MBD5: variants seen among roughly 807,000 people sequenced by gnomAD.
MBD5 encodes methyl-CpG binding domain protein 5.
MBD5 carries 13 observed loss-of-function variants against 117.3 expected under a neutral mutation model. The ratio of observed to expected loss-of-function variants is 0.11; its 90% CI spans 0.07 to 0.18. MBD5 has a LOEUF of 0.18. Among genes scored for constraint, MBD5 ranks in the 10% least tolerant of loss-of-function variants. The pLI, the probability that MBD5 is intolerant of heterozygous loss-of-function variation, is 1.00. For synonymous variants in MBD5, 727 were observed against 766.4 expected (o/e 0.95, Z 0.85); for missense variants, 1,879 against 2,093.8 (o/e 0.90, Z 2.00).
intron 4 of MBD5, among the ~76,000 whole-genome samples, chr2:148,360,511 T>G (rs1703502370): frequency 1.3e-5 from 2 of 152,184 alleles, no homozygotes; most frequent in Admixed American, 6.5e-5. Context: ...TTCTATTTTA[T>G]GTAGGAATTA....
intron 4 of MBD5, among the ~76,000 whole-genome samples, chr2:148,429,561 A>T (rs919108040): frequency 6.6e-6 from 1 of 152,042 alleles, no homozygotes; most frequent in Non-Finnish European, 1.5e-5. Flanking sequence ...GTTTATTGTG[A>T]TACCGGTCAC....
chr2:148,500,222 T>C (rs1156806539), intron 11 of MBD5, among the ~76,000 whole-genome samples: 3 of 152,226 alleles, frequency 2.0e-5, no homozygotes, highest in East Asian at 1.9e-4. Context: ...GAAATATAAT[T>C]TTAAATAGTT....
chr2:148,222,383 A>G (rs1382170650), intron 2 of MBD5, among the ~76,000 whole-genome samples: 1 of 152,030 alleles, frequency 6.6e-6, no homozygotes, highest in Non-Finnish European at 1.5e-5. Flanking sequence ...GATTCTTCCA[A>G]TCCATGGACA....
At chr2:148,477,765 T>A (rs1681017806) in intron 8 of MBD5, among the ~76,000 whole-genome samples, 1 of 152,186 alleles carries the variant, frequency 6.6e-6, no homozygotes, top group African/African-American at 2.4e-5. Context: ...GCAATGCAAG[T>A]ACACTTACCA....
chr2:148,325,496 A>G (rs1344469313), intron 3 of MBD5, among the ~76,000 whole-genome samples: 1 of 152,236 alleles, frequency 6.6e-6, no homozygotes, highest in East Asian at 1.9e-4. Flanking sequence ...GCTATTGATT[A>G]TTGCCACAAT....
chr2:148,324,470 C>T (rs1702387338), intron 3 of MBD5, among the ~76,000 whole-genome samples: 1 of 152,236 alleles, frequency 6.6e-6, no homozygotes, highest in South Asian at 2.1e-4. Context: ...TACCCATGAG[C>T]ATGGAATGTT....
At chr2:148,104,644 ATGTGGCC>A (rs1696321510) in intron 1 of MBD5, among the ~76,000 whole-genome samples, 1 of 152,220 alleles carries the variant, frequency 6.6e-6, no homozygotes, top group Non-Finnish European at 1.5e-5. Flanking sequence ...TTCCCAAAGA[ATGTGGCC>A]TTAGTTAGTG....
chr2:148,146,579 T>C (rs1242933661), intron 1 of MBD5, among the ~76,000 whole-genome samples: 1 of 152,120 alleles, frequency 6.6e-6, no homozygotes, highest in Non-Finnish European at 1.5e-5. Context: ...TGTTTGGTTA[T>C]GTATGTCTTT....
At chr2:148,241,706 C>A (rs185636871) in intron 3 of MBD5, among the ~76,000 whole-genome samples, 10 of 152,108 alleles carry the variant, frequency 6.6e-5, no homozygotes, top group Non-Finnish European at 1.3e-4. Context: ...GTTCTACTTG[C>A]TCATATACCA....
At chr2:148,286,240 T>G (rs1701366312) in intron 3 of MBD5, among the ~76,000 whole-genome samples, 2 of 152,252 alleles carry the variant, frequency 1.3e-5, no homozygotes, top group Admixed American at 6.5e-5. Flanking sequence ...TATTACTTTC[T>G]GAATGATTCT....
chr2:148,043,784 T>C (rs1694442413), intron 1 of MBD5, among the ~76,000 whole-genome samples: 1 of 152,250 alleles, frequency 6.6e-6, no homozygotes. Flanking sequence ...ATACATATTT[T>C]AGATCCTGGG....
intron 4 of MBD5, among the ~76,000 whole-genome samples, chr2:148,415,582 C>T (rs1408099624): frequency 6.6e-6 from 1 of 152,142 alleles, no homozygotes; most frequent in African/African-American, 2.4e-5. Context: ...GCTTTCTCTC[C>T]CTCTCATTCA....
intron 4 of MBD5, among the ~76,000 whole-genome samples, chr2:148,426,883 A>C (rs1422378838): frequency 6.6e-6 from 1 of 152,140 alleles, no homozygotes; most frequent in Non-Finnish European, 1.5e-5. Context: ...AATGGGAGAA[A>C]ATTTTTGCAA....
chr2:148,294,231 T>G (rs112858301), intron 3 of MBD5, among the ~76,000 whole-genome samples: 122,404 of 131,072 alleles, frequency 0.93, 57,504 homozygotes, highest in East Asian at 0.99. Flanking sequence ...TTTTTTTTTT[T>G]TTTTTTTTTT....
intron 3 of MBD5, among the ~76,000 whole-genome samples, chr2:148,325,826 C>T (rs1429547091): frequency 6.6e-6 from 1 of 151,646 alleles, no homozygotes; most frequent in Non-Finnish European, 1.5e-5. Flanking sequence ...TTTTTGTGTC[C>T]CTATTTCCTT....
intron 11 of MBD5, among the ~76,000 whole-genome samples, chr2:148,494,928 A>T (rs1294318323): frequency 6.6e-6 from 1 of 152,174 alleles, no homozygotes; most frequent in Non-Finnish European, 1.5e-5. Flanking sequence ...GCGCCACTGC[A>T]CTCCAGCCTG....
chr2:148,293,792 C>T (rs530634821), intron 3 of MBD5, among the ~76,000 whole-genome samples: 36 of 152,152 alleles, frequency 2.4e-4, no homozygotes, highest in Non-Finnish European at 3.2e-4. Context: ...AGGAAGTGCC[C>T]TTCTACTTCT....
At chr2:148,200,794 G>C (rs989112232) in intron 2 of MBD5, among the ~76,000 whole-genome samples, 1 of 150,402 alleles carries the variant, frequency 6.6e-6, no homozygotes, top group Non-Finnish European at 1.5e-5. Flanking sequence ...ACATCATTAA[G>C]GAACACTTTA....
At chr2:148,117,028 A>G (rs1005710409) in intron 1 of MBD5, among the ~76,000 whole-genome samples, 1 of 152,206 alleles carries the variant, frequency 6.6e-6, no homozygotes, top group Admixed American at 6.5e-5. Context: ...TTTTGGTTTA[A>G]TATAGATAAT....
Sources: allele counts gnomAD v4.1 joint callset (sites outside exome capture counted in the v4.1 genomes callset), GRCh38; gene constraint gnomAD v4.1.1; transcripts MANE v1.5; gene names NCBI Gene and HGNC (gene_info 2026-07-23, HGNC 2026-07-21).